Variants in BMP5 observed in about 807,000 individuals in gnomAD.
BMP5 encodes bone morphogenetic protein 5.
In BMP5, 23 loss-of-function variants were observed where a neutral mutation model predicts 46.6. That is an observed-to-expected ratio of 0.49 (90% CI 0.35 to 0.70). The LOEUF (loss-of-function observed/expected upper bound fraction) is 0.70, where lower values mean the gene tolerates loss of function less well. BMP5 is among the 30% of genes least tolerant of loss of function. The pLI, the probability that BMP5 is intolerant of heterozygous loss-of-function variation, is 0.00. For missense variants in BMP5, 545 were observed against 565.6 expected (o/e 0.96, Z 0.37); for synonymous variants, 204 against 191.9 (o/e 1.06, Z -0.52).
chr6:55,859,618 G>T (rs749669691), intron 1 of BMP5, among the ~76,000 whole-genome samples: 1 of 152,132 alleles, frequency 6.6e-6, no homozygotes, highest in Non-Finnish European at 1.5e-5. Context: ...AAGAGGAAAT[G>T]TACAAAAACA....
chr6:55,868,182 T>C (rs1777695256), intron 1 of BMP5, among the ~76,000 whole-genome samples: 1 of 152,202 alleles, frequency 6.6e-6, no homozygotes, highest in Non-Finnish European at 1.5e-5. Context: ...TAGTCCTGAA[T>C]AAAATCTAAA....
chr6:55,791,666 T>C (rs1236161305), intron 3 of BMP5, among the ~76,000 whole-genome samples: 2 of 151,684 alleles, frequency 1.3e-5, no homozygotes, highest in Admixed American at 1.3e-4. Flanking sequence ...AGTTAAATTA[T>C]GGAAATAGTA....
At chr6:55,794,106 T>G (rs1775646904) in intron 3 of BMP5, among the ~76,000 whole-genome samples, 173 bp downstream of exon 3, 1 of 152,152 alleles carries the variant, frequency 6.6e-6, no homozygotes, top group African/African-American at 2.4e-5. Context: ...ATGTATTGGA[T>G]AAATGTGTTC....
intron 2 of BMP5, among the ~76,000 whole-genome samples, chr6:55,817,819 C>T (rs993191816): frequency 2.0e-5 from 3 of 152,146 alleles, no homozygotes; most frequent in Non-Finnish European, 4.4e-5. Context: ...AACACTCCTA[C>T]AATCCAGAAG....
Position 55,792,012 on chromosome 6 carries a change from T to A in BMP5, c.832+2267A>T, listed in dbSNP as rs1055246673. 5.9e-5 allele frequency among the ~76,000 whole-genome samples: 9 copies of A among 152,282 alleles called. 1 individual carries two copies. Among genetic ancestry groups the A allele is most frequent in the African/African-American group, 2.2e-4 (9 of 41,580 alleles). On this transcript the variant is annotated intron_variant, in intron 3 of 6. Coordinates refer to ENST00000370830, the MANE Select transcript of BMP5 (RefSeq NM_021073.4). ...AGAATTCTTGGAAGATTATTTAAAT[T>A]TGTGCTTTACTCAGTCTACATTTAT...
intron 1 of BMP5, among the ~76,000 whole-genome samples, chr6:55,838,034 T>G (rs1562063395): frequency 6.6e-6 from 1 of 152,184 alleles, no homozygotes; most frequent in African/African-American, 2.4e-5. Flanking sequence ...AGTACATGTT[T>G]CACAATTTCT....
intron 1 of BMP5, among the ~76,000 whole-genome samples, chr6:55,851,727 T>C (rs1043337394): frequency 6.6e-6 from 1 of 152,214 alleles, no homozygotes; most frequent in African/African-American, 2.4e-5. Flanking sequence ...AAAGTACTTT[T>C]AAATTTTAAA....
At chr6:55,860,850 T>C (rs1777513625) in intron 1 of BMP5, among the ~76,000 whole-genome samples, 1 of 152,226 alleles carries the variant, frequency 6.6e-6, no homozygotes, top group Admixed American at 6.5e-5. Flanking sequence ...TTGAGAAATT[T>C]TGTAGCTCCA....
At chr6:55,821,798 G>A (rs1776415810) in intron 1 of BMP5, among the ~76,000 whole-genome samples, 1 of 152,142 alleles carries the variant, frequency 6.6e-6, no homozygotes, top group Admixed American at 6.6e-5. Context: ...CTGTGTGAGA[G>A]TGGAAGTCTA....
At chr6:55,773,672 C>A (rs16887132) in intron 4 of BMP5, among the ~76,000 whole-genome samples, 2 of 151,774 alleles carry the variant, frequency 1.3e-5, no homozygotes, top group East Asian at 3.9e-4. Flanking sequence ...GACTTAAGTA[C>A]GAAAGAAAGG....
chr6:55,836,668 G>T (rs1223463735), intron 1 of BMP5, among the ~76,000 whole-genome samples: 1 of 142,844 alleles, frequency 7.0e-6, no homozygotes, highest in Non-Finnish European at 1.5e-5. Flanking sequence ...ACACACGTAG[G>T]CATTACTGGA....
intron 6 of BMP5, among the ~76,000 whole-genome samples, chr6:55,758,125 C>A (rs1774661506): frequency 6.6e-6 from 1 of 151,916 alleles, no homozygotes; most frequent in South Asian, 2.1e-4. Flanking sequence ...CTGGCGTCCA[C>A]CAAATAATTC....
At chr6:55,761,429 G>A (rs1774774143) in intron 4 of BMP5, among the ~76,000 whole-genome samples, 1 of 151,918 alleles carries the variant, frequency 6.6e-6, no homozygotes, top group Admixed American at 6.6e-5. Context: ...TTCTCAGAGT[G>A]GTTACAAGGC....
intron 5 of BMP5, 51 bp from the exon 6 acceptor site, chr6:55,759,166 A>AC: frequency 2.4e-6 from 2 of 849,586 alleles, no homozygotes; most frequent in Non-Finnish European, 3.5e-6. Flanking sequence ...AAAAAAAAAA[A>AC]AAAAAAAAAA....
In BMP5 at chr6:55,773,941, G is replaced by A. The variant is rs1009542987; in HGVS notation, c.1027+108C>T. 15 of 1,184,960 alleles carry A rather than the reference G, an allele frequency of 1.3e-5. 1 individual carries two copies. In the African/African-American group the frequency reaches 2.1e-4, roughly 17 times the overall value. 73.4% of individuals were successfully genotyped at this position (1,184,960 alleles called of 1,614,324 possible). On this transcript the variant is annotated intron_variant, in intron 4 of 6. Coordinates refer to ENST00000370830, the MANE Select transcript of BMP5 (RefSeq NM_021073.4). ...TAGAAACATCACTGGAAGATTTAATGTACCATCCGAAGGTATACATAGAGG... is the reference window on the plus strand; with the variant it reads ...TAGAAACATCACTGGAAGATTTAATATACCATCCGAAGGTATACATAGAGG...
chr6:55,840,949 C>G (rs1776932981), intron 1 of BMP5, among the ~76,000 whole-genome samples: 4 of 123,806 alleles, frequency 3.2e-5, no homozygotes, highest in Admixed American at 3.1e-4. Flanking sequence ...AGGAACCAGG[C>G]CGCACAGCAG....
chr6:55,799,696 C>G (rs1041144848), intron 2 of BMP5, among the ~76,000 whole-genome samples: 32 of 152,318 alleles, frequency 2.1e-4, no homozygotes, highest in African/African-American at 7.5e-4. Context: ...TATCATACTT[C>G]AATTGTCCTA....
intron 4 of BMP5, among the ~76,000 whole-genome samples, chr6:55,772,192 A>G (rs549948453): frequency 6.6e-6 from 1 of 152,028 alleles, no homozygotes; most frequent in African/African-American, 2.4e-5. Flanking sequence ...TTGTACTCTA[A>G]ATGGTGTTAG....
intron 3 of BMP5, among the ~76,000 whole-genome samples, chr6:55,789,499 T>G (rs764715332): frequency 9.9e-5 from 15 of 152,158 alleles, no homozygotes; most frequent in Non-Finnish European, 5.9e-5. Context: ...ATAAACTATG[T>G]GCATATGTGT....
Sources: allele counts gnomAD v4.1 joint callset (sites outside exome capture counted in the v4.1 genomes callset), GRCh38; gene constraint gnomAD v4.1.1; transcripts MANE v1.5; gene names NCBI Gene and HGNC (gene_info 2026-07-23, HGNC 2026-07-21).